The following MUC4 variants were observed in gnomAD, a reference collection of about 807,000 sequenced individuals.
The protein encoded by MUC4 is mucin-4.
In MUC4, 202 loss-of-function variants were observed where a neutral mutation model predicts 257.9. That is an observed-to-expected ratio of 0.78 (90% CI 0.70 to 0.88). The LOEUF (loss-of-function observed/expected upper bound fraction) is 0.88. Ranked by LOEUF, MUC4 falls within the 40% of genes least tolerant of loss-of-function variation. The pLI, the probability that MUC4 is intolerant of heterozygous loss-of-function variation, is 0.00. For synonymous variants in MUC4, 2,351 were observed against 2,757.1 expected (o/e 0.85, Z 4.62); for missense variants, 5,976 against 6,513.7 (o/e 0.92, Z 2.84).
At chr3:195,806,800 A>AG (rs1736046581) in intron 1 of MUC4, among the ~76,000 whole-genome samples, 1 of 152,252 alleles carries the variant, frequency 6.6e-6, no homozygotes, top group Non-Finnish European at 1.5e-5. Context: ...CTTAACTTAG[A>AG]GAGCTTTGAA....
At chr3:195,752,787 C>T (rs1289143843) in intron 20 of MUC4, among the ~76,000 whole-genome samples, 1 of 152,232 alleles carries the variant, frequency 6.6e-6, no homozygotes, top group Non-Finnish European at 1.5e-5. Flanking sequence ...TCCGGGCCTC[C>T]CCAGCGCTCA....
rs2641778 is a variant in MUC4, at chr3:195,785,896, T to G, written c.5684A>C (p.Asn1895Thr). 0.12 allele frequency: 140,399 copies of G among 1,155,930 alleles called. 11,401 individuals carry two copies. The highest frequency in any genetic ancestry group is 0.45 in the African/African-American group (20,311 of 45,038). 71.6% of individuals were successfully genotyped at this position (1,155,930 alleles called of 1,614,324 possible). A position where few individuals can be genotyped will look rare whatever the true frequency, so the allele number is the denominator to read the frequency against. ...GGTGGTGTCACCTGTGGATGCTGAG[T>G]TAGTGTCGGTGACAGGAAGAGGGGT... ...DTTPLPVTDT[N>T]SASTGDTTPL... is the part of the protein sequence containing the mutation. Residue 1895 changes from asparagine (N) to threonine (T), a missense_variant, in exon 2 of 25, where the codon AAC (asparagine) becomes ACC (threonine). By Grantham distance (65) the Asn-to-Thr change is moderately conservative. Coordinates refer to ENST00000463781, the MANE Select transcript of MUC4 (RefSeq NM_018406.7).
chr3:195,764,022 TG>T, intron 11 of MUC4, 22 bp downstream of exon 11: 1 of 1,601,718 alleles, frequency 6.2e-7, no homozygotes, highest in Non-Finnish European at 8.5e-7. Context: ...AGGCTCTTCC[TG>T]GGCCTGGGCC....
intron 1 of MUC4, among the ~76,000 whole-genome samples, chr3:195,801,821 C>A (rs563281359): frequency 3.9e-5 from 6 of 152,230 alleles, no homozygotes; most frequent in African/African-American, 1.4e-4. Flanking sequence ...CCCCCCCCTC[C>A]ACGTGCTCTC....
intron 1 of MUC4, among the ~76,000 whole-genome samples, chr3:195,794,152 A>T (rs1260335446): frequency 1.3e-5 from 2 of 151,446 alleles, no homozygotes; most frequent in African/African-American, 4.8e-5. Context: ...CCCAGGCAGA[A>T]TGTTTAAATA....
rs1366810765 is a variant in MUC4, at chr3:195,782,392, G to A, written c.9188C>T (p.Ser3063Phe). ...GGTGGCGTGACCGGTGGATGCTGAG[G>A]AAGGGCTGGTGACATGAAGAGGGTT... The part of the protein sequence containing the change: ...HANPLHVTSP[S>F]SASTGHATPL... The change falls in exon 2 of 25, where the codon TCC (serine) becomes TTC (phenylalanine). Residue 3063 changes from serine to phenylalanine, a missense_variant. By Grantham distance (155) the Ser-to-Phe change is radical. Transcript: ENST00000463781. 1 of 1,407,136 alleles carries A rather than the reference G, an allele frequency of 7.1e-7. No homozygotes were observed. The highest frequency in any genetic ancestry group is 9.4e-7 in the Non-Finnish European group (1 of 1,059,574). 87.2% of individuals were successfully genotyped at this position (1,407,136 alleles called of 1,614,324 possible).
At position 195,752,582 on chromosome 3, in the gene MUC4, C is replaced by T. The variant is rs1051575213; in HGVS notation, c.15509-136G>A. On this transcript the variant is annotated intron_variant, in intron 20 of 24. Transcript: ENST00000463781. ...ACTGAAGAAACCGGGAGAAGTGGCCCTCACCCTACATTCCACAGTGACAGA... is the reference window on the plus strand; with the variant it reads ...ACTGAAGAAACCGGGAGAAGTGGCCTTCACCCTACATTCCACAGTGACAGA... 7.1e-6 allele frequency: 5 copies of T among 705,938 alleles called. No individual in the cohort carries two copies. The East Asian group carries it at 1.1e-4, about 15-fold the overall frequency. 43.7% of individuals were successfully genotyped at this position (705,938 alleles called of 1,614,324 possible).
At position 195,811,789 on chromosome 3, in the gene MUC4, G is replaced by T. The variant is rs753984749; in HGVS notation, c.29C>A (p.Pro10His). The T allele has an allele frequency of 6.2e-7, 1 of 1,613,970 alleles. No individual in the cohort carries two copies. Among genetic ancestry groups the T allele is most frequent in the East Asian group, 2.2e-5 (1 of 44,876 alleles). Residue 10 changes from proline to histidine, a missense_variant, in exon 1 of 25, where the codon CCC (proline) becomes CAC (histidine). This residue lies in a region of MUC4 where 1,583 missense variants were observed against 1,257.4 expected (regional missense o/e 1.26). Transcript: ENST00000463781. MKGARWRRV[P>H]WVSLSCLCLC... ...ACACAGGCAGCTCAGGGACACCCAG[G>T]GGACCCTCCTCCAGCGTGCCCCCTT...
Position 195,779,539 on chromosome 3 carries a change from G to A in MUC4, c.12041C>T (p.Ala4014Val), listed in dbSNP as rs79037473. ...TSTSSVSTGH[A>V]TPLPVTSPSS... The stretch of plus-strand genomic sequence containing the variant: ...AGGGCTGGTGACAGGAAGAGGGGTG[G>A]CGTGACCTGTAGATACTGAGGAAGT... Residue 4014 changes from alanine (A) to valine (V), a missense_variant, in exon 2 of 25, where the codon GCC becomes GTC. Physicochemically the swap from Ala to Val is moderately conservative, Grantham distance 64. This residue lies in a region of MUC4 where 293 missense variants were observed against 294.5 expected (regional missense o/e 1.00). Coordinates refer to ENST00000463781, the MANE Select transcript of MUC4 (RefSeq NM_018406.7). 1,266 of 998,800 alleles carry A rather than the reference G, an allele frequency of 1.3e-3. 35 individuals are homozygous for A. The highest frequency in any genetic ancestry group is 6.3e-3 in the East Asian group (106 of 16,894). 61.9% of individuals were successfully genotyped at this position (998,800 alleles called of 1,614,324 possible).
intron 3 of MUC4, 48 bp downstream of exon 3, chr3:195,778,255 A>C: frequency 3.3e-6 from 5 of 1,536,314 alleles, no homozygotes; most frequent in Non-Finnish European, 3.5e-6. Flanking sequence ...GGGAGCCTTC[A>C]GTTACATCAC....
chr3:195,798,531 G>T (rs1415446919), intron 1 of MUC4, among the ~76,000 whole-genome samples: 1 of 152,086 alleles, frequency 6.6e-6, no homozygotes, highest in East Asian at 1.9e-4. Context: ...GTGAACCCCC[G>T]TCTCTACTAA....
chr3:195,751,071 C>T lies in MUC4; in HGVS notation c.15689G>A (p.Trp5230Ter). 6 of 1,544,914 alleles carry T rather than the reference C, an allele frequency of 3.9e-6. No homozygotes were observed. Among genetic ancestry groups the T allele is most frequent in the Non-Finnish European group, 5.3e-6 (6 of 1,138,956 alleles). The change falls in exon 23 of 25, where the codon TGG becomes TAG. Residue 5230 changes from tryptophan to a stop codon, truncating the protein, a stop_gained. Coordinates refer to ENST00000463781, the MANE Select transcript of MUC4 (RefSeq NM_018406.7). LOFTEE classifies it high-confidence loss of function. ...APASGSPIQH[W>*]MVISEFQYRP... ...GTACTGGAACTCCGAGATGACCATCCAGTGTTGGATGGGGCTTCCCGAGGC... is the reference window on the plus strand; with the variant it reads ...GTACTGGAACTCCGAGATGACCATCTAGTGTTGGATGGGGCTTCCCGAGGC...
At chr3:195,747,754 C>T (rs1413422337) in intron 24 of MUC4, among the ~76,000 whole-genome samples, 2 of 152,272 alleles carry the variant, frequency 1.3e-5, no homozygotes, top group Non-Finnish European at 1.5e-5. Context: ...ATCCCAGCTA[C>T]TCAGGAGGCT....
rs1177009067 is a variant in MUC4 at position 195,795,840 on chromosome 3, TG to T, written c.83-4344del. Among the ~76,000 whole-genome samples the T allele has an allele frequency of 2.1e-3, 38 of 18,408 alleles. 1 individual carries two copies. Among genetic ancestry groups the T allele is most frequent in the African/African-American group, 8.4e-3 (30 of 3,572 alleles). The allele number at this position is 18,408 out of a possible 152,430, so 12.1% of individuals were successfully genotyped here. On this transcript the variant is annotated intron_variant, in intron 1 of 24. Transcript: ENST00000463781. ...CAAATACCTGGCAAGAGAAAGAAAG[TG>T]GGGGAGGGGGGTGGGAGGAGGGAGA...
intron 17 of MUC4, 53 bp downstream of exon 17, chr3:195,759,071 A>G: frequency 6.2e-7 from 1 of 1,601,000 alleles, no homozygotes; most frequent in Non-Finnish European, 8.5e-7. Context: ...TTTGACTCTG[A>G]CCTCATCCCC....
At chr3:195,767,505 C>CACCATCACCATCACCATT (rs1720925645) in intron 7 of MUC4, among the ~76,000 whole-genome samples, 1 of 144,742 alleles carries the variant, frequency 6.9e-6, no homozygotes, top group Non-Finnish European at 1.5e-5. Flanking sequence ...CCATCACCAC[C>CACCATCACCATCACCATT]ACCATCACCA....
intron 2 of MUC4, 119 bp from the exon 3 acceptor site, chr3:195,778,574 G>A (rs1725562296): frequency 7.2e-7 from 1 of 1,396,064 alleles, no homozygotes; most frequent in Non-Finnish European, 9.8e-7. Context: ...TCTCTCCCCT[G>A]CTCATATCCA....
At position 195,759,201 on chromosome 3, in the gene MUC4, G is replaced by A. The variant is rs114608303; in HGVS notation, c.14909C>T (p.Thr4970Met). The A allele has an allele frequency of 2.9e-3, 4,655 of 1,614,120 alleles. 12 individuals carry two copies. Among genetic ancestry groups the A allele is most frequent in the Non-Finnish European group, 3.4e-3 (3,956 of 1,180,024 alleles). ...AGCATTGCTGGTGTACTGAATCAGCGTGGTCTGCCCCTTGTAGGCTTCAAT... is the reference window on the plus strand; with the variant it reads ...AGCATTGCTGGTGTACTGAATCAGCATGGTCTGCCCCTTGTAGGCTTCAAT... The part of the protein sequence containing the change: ...RVIEAYKGQT[T>M]LIQYTSNAED... Residue 4970 changes from threonine (T) to methionine (M), a missense_variant, in exon 17 of 25, where the codon ACG becomes ATG. Thr to Met is a moderately conservative substitution (Grantham distance 81). Transcript: ENST00000463781.
intron 2 of MUC4, 114 bp from the exon 3 acceptor site, chr3:195,778,569 C>G (rs1351958210): frequency 1.1e-5 from 16 of 1,422,378 alleles, no homozygotes; most frequent in Non-Finnish European, 1.5e-5. Context: ...CCTTGTCTCT[C>G]CCCTGCTCAT....
Sources: gnomAD v4.1 joint callset for allele counts (sites outside exome capture counted in the v4.1 genomes callset) on GRCh38, gnomAD v4.1.1 for gene constraint, gnomAD v4.1.1 regional missense constraint, MANE v1.5 for transcripts, NCBI Gene and HGNC (gene_info 2026-07-23, HGNC 2026-07-21) for gene names.